The following COL5A1 variants were observed in gnomAD, a reference collection of about 807,000 sequenced individuals.
COL5A1 encodes collagen type V alpha 1 chain.
COL5A1 carries 16 observed loss-of-function variants against 263.7 expected under a neutral mutation model. The observed-to-expected ratio is 0.06, with a 90% CI of 0.04 to 0.09. The LOEUF (loss-of-function observed/expected upper bound fraction) is 0.09. COL5A1 is among the 10% of genes least tolerant of loss of function. The pLI, the probability that COL5A1 is intolerant of heterozygous loss-of-function variation, is 1.00. For missense variants in COL5A1, 2,036 were observed against 2,540.5 expected (o/e 0.80, Z 4.27); for synonymous variants, 1,012 against 1,004.5 (o/e 1.01, Z -0.14).
intron 64 of COL5A1, among the ~76,000 whole-genome samples, chr9:134,834,554 CAAG>C (rs1452113714): frequency 2.0e-5 from 3 of 152,156 alleles, no homozygotes; most frequent in South Asian, 4.1e-4. Flanking sequence ...CAGTAACGAG[CAAG>C]AAGGATGCCA....
At chr9:134,813,007 T>C (rs886841013) in intron 48 of COL5A1, among the ~76,000 whole-genome samples, 24 of 152,174 alleles carry the variant, frequency 1.6e-4, no homozygotes, top group African/African-American at 3.9e-4. Flanking sequence ...TTCCAGACGA[T>C]GCCCCACCAG....
chr9:134,740,805 G>C (rs529180377), intron 11 of COL5A1, among the ~76,000 whole-genome samples: 50 of 152,326 alleles, frequency 3.3e-4, no homozygotes, highest in African/African-American at 1.1e-3. Context: ...CCGTGGAGGA[G>C]CCAAGGGCCC....
chr9:134,788,752 G>C (rs1230383891), intron 31 of COL5A1, among the ~76,000 whole-genome samples: 1 of 151,518 alleles, frequency 6.6e-6, no homozygotes, highest in Non-Finnish European at 1.5e-5. Context: ...CAAGTGGATG[G>C]ATGGGTGGGC....
rs1177409238 is a variant in COL5A1 at position 134,805,070 on chromosome 9, TGA to T, written c.3204+10_3204+11del. On this transcript the variant is annotated splice_region_variant and intron_variant, in intron 40 of 65. Coordinates refer to ENST00000371817, the MANE Select transcript of COL5A1 (RefSeq NM_000093.5). ...GAGGGCTTCCTGGTCCAGTGGTGAGTGAGAGGCCAGGCGGGGAATGAAATGGG... is the reference window on the plus strand; with the variant it reads ...GAGGGCTTCCTGGTCCAGTGGTGAGTGAGGCCAGGCGGGGAATGAAATGGG... 6.2e-7 allele frequency: 1 copy of T among 1,613,660 alleles called. No homozygotes were observed.
At position 134,843,698 on chromosome 9, in the gene COL5A1, T is replaced by A. The variant is rs181445514; in HGVS notation, c.*1395T>A. On this transcript the variant is annotated 3_prime_UTR_variant, in exon 66 of 66. Transcript: ENST00000371817. ...GTGGTGTGACCATAGCAGATTATAT[T>A]TGGTTCCTGAATGTTTGTGGTGCTA... 2 of 152,804 alleles carry A rather than the reference T, an allele frequency of 1.3e-5. No homozygotes were observed. The highest frequency in any genetic ancestry group is 3.9e-4 in the East Asian group (2 of 5,186). 9.5% of individuals were successfully genotyped at this position (152,804 alleles called of 1,614,324 possible). A position where few individuals can be genotyped will look rare whatever the true frequency, so the allele number is the denominator to read the frequency against.
At chr9:134,826,846 G>T (rs947659713) in intron 63 of COL5A1, among the ~76,000 whole-genome samples, 1 of 149,644 alleles carries the variant, frequency 6.7e-6, no homozygotes, top group Non-Finnish European at 1.5e-5. Flanking sequence ...TGTGTATATG[G>T]TGTGTGGGTG....
At chr9:134,786,591 C>T (rs181337390) in intron 31 of COL5A1, among the ~76,000 whole-genome samples, 4 of 152,268 alleles carry the variant, frequency 2.6e-5, no homozygotes, top group Admixed American at 6.5e-5. Context: ...GATTTGAAGG[C>T]TATTTGCTCA....
Position 134,731,558 on chromosome 9 carries a change from C to A in COL5A1, c.1227C>A (p.Ile409=). 6.2e-7 allele frequency: 1 copy of A among 1,614,226 alleles called. No individual in the cohort carries two copies. Among genetic ancestry groups the A allele is most frequent in the East Asian group, 2.2e-5 (1 of 44,874 alleles). ...AGGGGGAGTTCACTGAGGAAACGATCCGGAACCTTGACGAGAACTACTACG... is the reference window on the plus strand; with the variant it reads ...AGGGGGAGTTCACTGAGGAAACGATACGGAACCTTGACGAGAACTACTACG... ...DLEGEFTEET[I]RNLDENYYDP... is the part of the protein sequence containing the mutation. Residue 409 remains isoleucine, a synonymous_variant, in exon 8 of 66, where the codon ATC becomes ATA. Transcript: ENST00000371817.
intron 4 of COL5A1, among the ~76,000 whole-genome samples, chr9:134,711,087 C>T (rs905484806): frequency 3.9e-5 from 6 of 152,248 alleles, no homozygotes; most frequent in Middle Eastern, 3.4e-3. Context: ...GGGAAGGGAG[C>T]TCCCACAGCT....
rs370305259 is a variant in COL5A1 at position 134,811,610 on chromosome 9, G to A, written c.3690+11G>A. ...CCAGTGGGGCTGCAGGTAACTGTGGGGTTCTCACCACACCGGGCTCCTCCG... is the reference window on the plus strand; with the variant it reads ...CCAGTGGGGCTGCAGGTAACTGTGGAGTTCTCACCACACCGGGCTCCTCCG... On this transcript the variant is annotated intron_variant, in intron 46 of 65. Coordinates refer to ENST00000371817, the MANE Select transcript of COL5A1 (RefSeq NM_000093.5). The A allele has an allele frequency of 6.5e-7, 1 of 1,538,634 alleles. No homozygotes were observed. The highest frequency in any genetic ancestry group is 1.4e-5 in the African/African-American group (1 of 72,754).
chr9:134,797,710 T>G (rs1564465755), intron 36 of COL5A1, among the ~76,000 whole-genome samples: 1 of 152,206 alleles, frequency 6.6e-6, no homozygotes, highest in African/African-American at 2.4e-5. Context: ...CTCGAACTCC[T>G]GACCTCAGGT....
chr9:134,822,729 G>GA (rs66896933), intron 59 of COL5A1, among the ~76,000 whole-genome samples: 11 of 130,038 alleles, frequency 8.5e-5, no homozygotes, highest in South Asian at 2.2e-4. Context: ...CGCCCCCCCC[G>GA]CGGCTGTCTG....
At chr9:134,783,656 C>T (rs972404932) in intron 29 of COL5A1, among the ~76,000 whole-genome samples, 1 of 152,196 alleles carries the variant, frequency 6.6e-6, no homozygotes, top group African/African-American at 2.4e-5. Flanking sequence ...CACCGGCTCG[C>T]AGGTGGCTTT....
At chr9:134,693,028 G>A (rs547493735) in intron 2 of COL5A1, among the ~76,000 whole-genome samples, 122 of 152,204 alleles carry the variant, frequency 8.0e-4, no homozygotes, top group African/African-American at 2.6e-3. Flanking sequence ...AGCTGAGATC[G>A]CACCACTGCA....
chr9:134,703,615 C>T (rs915122885), intron 4 of COL5A1, among the ~76,000 whole-genome samples: 8 of 140,620 alleles, frequency 5.7e-5, no homozygotes, highest in Non-Finnish European at 9.2e-5. Flanking sequence ...GGAGGCCACG[C>T]GGTGGCCTCG....
intron 1 of COL5A1, among the ~76,000 whole-genome samples, chr9:134,676,166 C>CA (rs1323281275): frequency 6.6e-6 from 1 of 152,196 alleles, no homozygotes; most frequent in Non-Finnish European, 1.5e-5. Context: ...ACTGCTCCAC[C>CA]AAACCTCAGC....
rs559668494 is a variant in COL5A1, at chr9:134,718,273, G to A, written c.655-8993G>A. Among the ~76,000 whole-genome samples, 8 of 152,370 alleles carry A rather than the reference G, an allele frequency of 5.3e-5. No individual in the cohort carries two copies. The South Asian group carries it at 8.3e-4, about 16-fold the overall frequency. On this transcript the variant is annotated intron_variant, in intron 4 of 65. Transcript: ENST00000371817. ...GTCGAACGTGGCCGCCAACTGTGCCGTGGGCAGGGGCTCTGCAGCAGAGCG... is the reference window on the plus strand; with the variant it reads ...GTCGAACGTGGCCGCCAACTGTGCCATGGGCAGGGGCTCTGCAGCAGAGCG...
At position 134,753,879 on chromosome 9, in the gene COL5A1, C is replaced by T. The variant is rs200977434; in HGVS notation, c.1749C>T (p.Gly583=). Residue 583 remains glycine, a synonymous_variant, in exon 15 of 66, where the codon GGC becomes GGT. Coordinates refer to ENST00000371817, the MANE Select transcript of COL5A1 (RefSeq NM_000093.5). ...VGPPGSGGLK[G]EPGDVGPQGP... ...CCCCTGGGAGCGGAGGTTTGAAGGG[C>T]GAGCCGGGAGACGTGGGGCCTCAGG... is the stretch of plus-strand genomic sequence containing the variant. The T allele has an allele frequency of 9.9e-6, 16 of 1,612,604 alleles. No homozygotes were observed. Among genetic ancestry groups the T allele is most frequent in the African/African-American group, 6.7e-5 (5 of 74,690 alleles).
intron 51 of COL5A1, 72 bp from the exon 52 acceptor site, chr9:134,815,863 G>A: frequency 6.4e-7 from 1 of 1,558,790 alleles, no homozygotes; most frequent in Non-Finnish European, 8.8e-7. Flanking sequence ...GGCTGGAGAT[G>A]CATTGGGAAC....
Sources: allele counts gnomAD v4.1 joint callset (sites outside exome capture counted in the v4.1 genomes callset), GRCh38; gene constraint gnomAD v4.1.1; transcripts MANE v1.5; gene names NCBI Gene and HGNC (gene_info 2026-07-23, HGNC 2026-07-21).